ASAP1: variants seen among roughly 807,000 people sequenced by gnomAD.
ASAP1 encodes the protein arf-GAP with SH3 domain, ANK repeat and PH domain-containing protein 1.
Under a neutral mutation model 145.2 loss-of-function variants are expected in ASAP1, and 43 were observed. The ratio of observed to expected loss-of-function variants is 0.30; its 90% CI spans 0.23 to 0.38. The LOEUF is 0.38. Among genes scored for constraint, ASAP1 ranks in the 10% least tolerant of loss-of-function variants. The probability of loss-of-function intolerance (pLI) is 1.00; values close to 1 mark genes in which losing one functional copy is unlikely to be tolerated. For missense variants in ASAP1, 1,018 were observed against 1,355.3 expected, an observed-to-expected ratio of 0.75 and a Z score of 3.91; for synonymous variants, 546 against 515.5, an observed-to-expected ratio of 1.06 and a Z score of -0.80.
At position 130,278,711 on chromosome 8, in the gene ASAP1, T is replaced by C. The variant is rs533767631; in HGVS notation, c.187-41717A>G. On this transcript the variant is annotated intron_variant, in intron 3 of 29. Coordinates refer to ENST00000518721, the MANE Select transcript of ASAP1 (RefSeq NM_018482.4). ...TCCTGGGATATTTTATCCATATGCA[T>C]TAAATATCCTTTCTAAATATAAATA... Among the ~76,000 whole-genome samples, 12 of 152,296 alleles carry C rather than the reference T, an allele frequency of 7.9e-5. No individual in the cohort carries two copies. In the South Asian group the frequency reaches 2.3e-3, roughly 29 times the overall value.
intron 3 of ASAP1, among the ~76,000 whole-genome samples, chr8:130,249,578 C>G (rs181349710): frequency 6.6e-6 from 1 of 152,220 alleles, no homozygotes; most frequent in Non-Finnish European, 1.5e-5. Context: ...TTTCACTGCC[C>G]CCCTTCCCCA....
chr8:130,277,635 C>T lies in ASAP1; in HGVS notation c.187-40641G>A, dbSNP rs114131859. Among the ~76,000 whole-genome samples the T allele has an allele frequency of 8.1e-3, 1,240 of 152,186 alleles. 17 individuals are homozygous for T. The highest frequency in any genetic ancestry group is 0.029 in the African/African-American group (1,194 of 41,514). On this transcript the variant is annotated intron_variant, in intron 3 of 29. Coordinates refer to ENST00000518721, the MANE Select transcript of ASAP1 (RefSeq NM_018482.4). ...TAAATCTAACAGGGCACCAAGAAGT[C>T]TAAAGAGTGGGAATAAAGGAAGTAC... is the stretch of plus-strand genomic sequence containing the variant.
chr8:130,123,896 G>A (rs562409246), intron 18 of ASAP1, 117 bp downstream of exon 18: 131 of 690,532 alleles, frequency 1.9e-4, no homozygotes, highest in African/African-American at 1.7e-3. Context: ...CCAAAGTGCT[G>A]GGATTACAGG....
At chr8:130,173,883 G>A (rs1294626612) in intron 9 of ASAP1, among the ~76,000 whole-genome samples, 1 of 151,518 alleles carries the variant, frequency 6.6e-6, no homozygotes. Flanking sequence ...GACCAGCCTG[G>A]GCAACAAGGT....
At chr8:130,163,722 T>C (rs1468947156) in intron 11 of ASAP1, among the ~76,000 whole-genome samples, 1 of 152,196 alleles carries the variant, frequency 6.6e-6, no homozygotes, top group East Asian at 1.9e-4. Flanking sequence ...ACTGACACAC[T>C]GAAGGAATGA....
Position 130,065,945 on chromosome 8 carries a change from C to G in ASAP1, c.2702-4876G>C, listed in dbSNP as rs144049348. 2.0e-5 allele frequency among the ~76,000 whole-genome samples: 3 copies of G among 152,284 alleles called. No homozygotes were observed. The East Asian group carries it at 5.8e-4, about 29-fold the overall frequency. ...GCTGATGGTTAGCTAGATCCAGTTC[C>G]TTCTTGGGCCGTTTTCCACAGGCAT... On this transcript the variant is annotated intron_variant, in intron 27 of 29. Coordinates refer to ENST00000518721, the MANE Select transcript of ASAP1 (RefSeq NM_018482.4).
intron 3 of ASAP1, among the ~76,000 whole-genome samples, chr8:130,266,268 C>T (rs1444925764): frequency 6.6e-6 from 1 of 152,074 alleles, no homozygotes; most frequent in East Asian, 1.9e-4. Context: ...GATTACATAA[C>T]TAGTGGTCAG....
intron 1 of ASAP1, among the ~76,000 whole-genome samples, chr8:130,428,690 TACC>T (rs1287827070): frequency 4.8e-5 from 7 of 145,308 alleles, no homozygotes; most frequent in South Asian, 4.5e-4. Context: ...CCATCAGAAC[TACC>T]ACCATCATCA....
intron 3 of ASAP1, among the ~76,000 whole-genome samples, chr8:130,289,514 T>C (rs1429898719): frequency 6.6e-6 from 1 of 152,232 alleles, no homozygotes; most frequent in African/African-American, 2.4e-5. Context: ...GGGAGGCAGC[T>C]ACCTTGCAGA....
intron 2 of ASAP1, among the ~76,000 whole-genome samples, chr8:130,395,733 C>T (rs1828498664): frequency 6.6e-6 from 1 of 151,868 alleles, no homozygotes; most frequent in Admixed American, 6.6e-5. Flanking sequence ...GTGATGTGAC[C>T]TCGGCTCACT....
chr8:130,315,732 T>C (rs554340209), intron 3 of ASAP1, among the ~76,000 whole-genome samples: 1 of 152,154 alleles, frequency 6.6e-6, no homozygotes, highest in African/African-American at 2.4e-5. Context: ...ATGGAATGAC[T>C]ATTACAGTGT....
At chr8:130,153,651 A>G (rs1197338821) in intron 12 of ASAP1, among the ~76,000 whole-genome samples, 2 of 151,984 alleles carry the variant, frequency 1.3e-5, no homozygotes, top group African/African-American at 4.8e-5. Flanking sequence ...TACAGGTGTG[A>G]GCCACTGTGA....
At chr8:130,075,136 C>T (rs1406756251) in intron 27 of ASAP1, among the ~76,000 whole-genome samples, 5 of 152,130 alleles carry the variant, frequency 3.3e-5, no homozygotes, top group Non-Finnish European at 5.9e-5. Flanking sequence ...AATCTGGGCA[C>T]ACTGTAAATG....
intron 4 of ASAP1, among the ~76,000 whole-genome samples, chr8:130,218,032 G>C (rs764579117): frequency 6.6e-6 from 1 of 152,014 alleles, no homozygotes; most frequent in Non-Finnish European, 1.5e-5. Context: ...ATGCAGCTCT[G>C]GTTACTATCC....
chr8:130,270,993 T>C (rs1310019048), intron 3 of ASAP1, among the ~76,000 whole-genome samples: 1 of 152,118 alleles, frequency 6.6e-6, no homozygotes, highest in East Asian at 1.9e-4. Flanking sequence ...GCCAAACAAA[T>C]CACACTGGGG....
chr8:130,191,895 T>A (rs1815164125), intron 5 of ASAP1, among the ~76,000 whole-genome samples: 1 of 152,166 alleles, frequency 6.6e-6, no homozygotes, highest in South Asian at 2.1e-4. Flanking sequence ...AACTTCTTCC[T>A]AACCCTTTCC....
intron 3 of ASAP1, among the ~76,000 whole-genome samples, chr8:130,297,867 T>C (rs1040111403): frequency 6.6e-6 from 1 of 152,182 alleles, no homozygotes; most frequent in Admixed American, 6.5e-5. Flanking sequence ...TCACTGCTGC[T>C]GAAAAGGAGT....
chr8:130,217,537 T>TACACACACACACACACACAC (rs71302402), intron 4 of ASAP1, among the ~76,000 whole-genome samples: 2,732 of 148,952 alleles, frequency 0.018, 39 homozygotes, highest in Middle Eastern at 0.031. Context: ...TGTATATATG[T>TACACACACACACACACACAC]ACACACACAC....
chr8:130,088,535 A>C (rs996880860), intron 25 of ASAP1, among the ~76,000 whole-genome samples: 1 of 152,224 alleles, frequency 6.6e-6, no homozygotes, highest in African/African-American at 2.4e-5. Context: ...GCACCACTCC[A>C]CGGATCACCT....
Sources: gnomAD v4.1 joint callset for allele counts (sites outside exome capture counted in the v4.1 genomes callset) on GRCh38, gnomAD v4.1.1 for gene constraint, MANE v1.5 for transcripts, NCBI Gene and HGNC (gene_info 2026-07-23, HGNC 2026-07-21) for gene names.